ATAD2B: variants seen among roughly 807,000 people sequenced by gnomAD.
The protein encoded by ATAD2B is ATPase family AAA domain containing 2B.
Under a neutral mutation model 167.6 loss-of-function variants are expected in ATAD2B, and 40 were observed. That is an observed-to-expected ratio of 0.24 (90% CI 0.19 to 0.31). The LOEUF (loss-of-function observed/expected upper bound fraction) is 0.31, where lower values mean the gene tolerates loss of function less well. Ranked by LOEUF, ATAD2B falls within the 10% of genes least tolerant of loss-of-function variation. The probability of loss-of-function intolerance (pLI) is 1.00; values close to 1 mark genes in which losing one functional copy is unlikely to be tolerated. For synonymous variants in ATAD2B, 579 were observed against 596.5 expected (o/e 0.97, Z 0.43); for missense variants, 1,242 against 1,757.2 (o/e 0.71, Z 5.24).
the ATAD2B span, among the ~76,000 whole-genome samples, chr2:23,735,720 G>T: frequency 6.6e-6 from 1 of 152,174 alleles, no homozygotes; most frequent in African/African-American, 2.4e-5. Context: ...GTCTTATGAC[G>T]CAAGTGGTCC....
the ATAD2B span, among the ~76,000 whole-genome samples, chr2:23,733,078 C>T: frequency 3.3e-5 from 5 of 152,148 alleles, no homozygotes; most frequent in Non-Finnish European, 5.9e-5. Context: ...AAGTGTTAGT[C>T]GCTATCATTA....
chr2:23,708,348 A>C, the ATAD2B span: 1 of 152,214 alleles, frequency 6.6e-6, no homozygotes, highest in African/African-American at 2.4e-5. Context: ...CAAGGACTGG[A>C]GCACAAATTC....
At chr2:23,911,335 G>T (rs1487858639) in intron 1 of ATAD2B, among the ~76,000 whole-genome samples, 1 of 151,784 alleles carries the variant, frequency 6.6e-6, no homozygotes, top group Non-Finnish European at 1.5e-5. Flanking sequence ...TAGGCAGATC[G>T]CTTGAGCCCA....
chr2:23,681,493 C>T, the ATAD2B span, among the ~76,000 whole-genome samples: 5 of 152,142 alleles, frequency 3.3e-5, no homozygotes, highest in African/African-American at 1.2e-4. This position sits in a 1 kb window ranked among gnomAD's most constrained non-coding sequence, Gnocchi z 4.2. Context: ...CCTCAGGATG[C>T]CTCGGGCCCA....
chr2:23,918,804 T>C (rs1703455930), intron 1 of ATAD2B, among the ~76,000 whole-genome samples: 2 of 152,184 alleles, frequency 1.3e-5, no homozygotes, highest in African/African-American at 4.8e-5. Context: ...AAACAAGATA[T>C]ACAAGTAGAG....
At chr2:23,757,343 G>C in intron 25 of ATAD2B, 75 bp downstream of exon 25, 1 of 1,122,974 alleles carries the variant, frequency 8.9e-7, no homozygotes, top group South Asian at 2.0e-5. Flanking sequence ...ATTACTACTG[G>C]GAACCAGATA....
chr2:23,796,313 T>C (rs917957226), intron 19 of ATAD2B, among the ~76,000 whole-genome samples: 25 of 152,194 alleles, frequency 1.6e-4, no homozygotes, highest in African/African-American at 6.0e-4. Context: ...TAATTATGGG[T>C]ATTGGTAAAT....
chr2:23,804,691 C>G (rs1310611192), intron 18 of ATAD2B, among the ~76,000 whole-genome samples: 1 of 151,306 alleles, frequency 6.6e-6, no homozygotes, highest in Non-Finnish European at 1.5e-5. Context: ...AAAAAAAACC[C>G]TATAACATCA....
intron 17 of ATAD2B, among the ~76,000 whole-genome samples, chr2:23,818,387 A>T (rs1006898211): frequency 5.4e-5 from 6 of 111,434 alleles, no homozygotes; most frequent in Non-Finnish European, 9.6e-5. Context: ...AAAAAAAAAA[A>T]TTGGCTTTCC....
chr2:23,851,550 T>C (rs567537177), intron 13 of ATAD2B, among the ~76,000 whole-genome samples: 28 of 152,304 alleles, frequency 1.8e-4, no homozygotes, highest in African/African-American at 6.5e-4. Flanking sequence ...CCTTCATATG[T>C]ATACCCATGC....
In ATAD2B at chr2:23,869,603, C is replaced by A. The variant is rs545533199; in HGVS notation, c.1076+60G>T. ...ATCAATGTTAGCAAAGAAAATCACT[C>A]AAAAAAAACTTATTTTTCCTTTTTT... On this transcript the variant is annotated intron_variant, in intron 9 of 27. Coordinates refer to ENST00000238789, the MANE Select transcript of ATAD2B (RefSeq NM_017552.4). 1.7e-3 allele frequency: 2,093 copies of A among 1,209,800 alleles called. 5 individuals are homozygous for A. Among genetic ancestry groups the A allele is most frequent in the Non-Finnish European group, 2.4e-3 (2,000 of 842,350 alleles). The allele number at this position is 1,209,800 out of a possible 1,614,324, so 74.9% of individuals were successfully genotyped here.
chr2:23,890,305 C>A (rs932931659), intron 2 of ATAD2B, among the ~76,000 whole-genome samples: 1 of 150,938 alleles, frequency 6.6e-6, no homozygotes, highest in Non-Finnish European at 1.5e-5. Context: ...AAAATAACAA[C>A]AAAAATCTAG....
chr2:23,767,844 T>C (rs1429573326), intron 22 of ATAD2B, among the ~76,000 whole-genome samples: 1 of 151,888 alleles, frequency 6.6e-6, no homozygotes, highest in Admixed American at 6.6e-5. Context: ...TCCTAGCTTC[T>C]TGCATAAAAA....
intron 16 of ATAD2B, 69 bp downstream of exon 16, chr2:23,823,189 G>A (rs572392809): frequency 1.7e-5 from 21 of 1,260,862 alleles, no homozygotes; most frequent in African/African-American, 7.6e-5. Context: ...ATAATCTTAT[G>A]AGGAAACTAT....
chr2:23,793,343 A>C (rs1310811493), intron 19 of ATAD2B, among the ~76,000 whole-genome samples: 1 of 152,240 alleles, frequency 6.6e-6, no homozygotes, highest in Non-Finnish European at 1.5e-5. Context: ...GAATGTCTTC[A>C]GAAACAGAAA....
chr2:23,880,822 T>C (rs1350517228), intron 6 of ATAD2B, 67 bp from the exon 7 acceptor site: 1 of 892,280 alleles, frequency 1.1e-6, no homozygotes. Flanking sequence ...TGGTCTACTC[T>C]AGAACTGAAT....
chr2:23,762,428 A>T, intron 23 of ATAD2B, 82 bp from the exon 24 acceptor site: 1 of 1,420,732 alleles, frequency 7.0e-7, no homozygotes, highest in Non-Finnish European at 9.4e-7. Flanking sequence ...TCTCAAATAC[A>T]AAACTGAGTT....
At chr2:23,762,875 T>C (rs1002596317) in intron 23 of ATAD2B, among the ~76,000 whole-genome samples, 2 of 152,178 alleles carry the variant, frequency 1.3e-5, no homozygotes, top group African/African-American at 4.8e-5. Context: ...CTTAAGTTGG[T>C]TTTTCTCCAG....
intron 1 of ATAD2B, among the ~76,000 whole-genome samples, chr2:23,897,939 CAT>C (rs1198360964): frequency 1.3e-5 from 2 of 152,190 alleles, no homozygotes; most frequent in Non-Finnish European, 2.9e-5. Context: ...AATATATAAA[CAT>C]ATAAACATAC....
Sources: allele counts gnomAD v4.1 joint callset (sites outside exome capture counted in the v4.1 genomes callset), GRCh38; gene constraint gnomAD v4.1.1; non-coding constraint Gnocchi (gnomAD v3.1); transcripts MANE v1.5; gene names NCBI Gene and HGNC (gene_info 2026-07-23, HGNC 2026-07-21).